Variants in MRTFB observed in about 807,000 individuals in gnomAD.
MRTFB encodes the protein myocardin related transcription factor B, also known as myocardin-related transcription factor B.
In MRTFB, 29 loss-of-function variants were observed where a neutral mutation model predicts 104.2. The observed-to-expected ratio is 0.28, with a 90% CI of 0.21 to 0.38. The LOEUF is 0.38. Among genes scored for constraint, MRTFB ranks in the 10% least tolerant of loss-of-function variants. MRTFB has a pLI of 1.00. For missense variants in MRTFB, 1,270 were observed against 1,341.6 expected (o/e 0.95, Z 0.83); for synonymous variants, 535 against 519.5 (o/e 1.03, Z -0.41).
chr16:14,044,478 C>T, the MRTFB span, among the ~76,000 whole-genome samples: 1 of 152,302 alleles, frequency 6.6e-6, no homozygotes, highest in African/African-American at 2.4e-5. Flanking sequence ...AATTGAGGCT[C>T]AGAGAAGGTA....
chr16:14,238,655 AT>A (rs2042630984), intron 9 of MRTFB, among the ~76,000 whole-genome samples: 1 of 152,200 alleles, frequency 6.6e-6, no homozygotes, highest in Non-Finnish European at 1.5e-5. Context: ...ACATGTGGAT[AT>A]TAAAATCATC....
At chr16:14,165,649 C>T (rs1187698319) in intron 3 of MRTFB, among the ~76,000 whole-genome samples, 1 of 152,124 alleles carries the variant, frequency 6.6e-6, no homozygotes, top group East Asian at 1.9e-4. Context: ...ACTGTCCTCC[C>T]CTTTCCCCAT....
At chr16:14,259,785 A>T (rs759401364) in intron 16 of MRTFB, among the ~76,000 whole-genome samples, 51 of 152,204 alleles carry the variant, frequency 3.4e-4, no homozygotes, top group Non-Finnish European at 6.3e-4. Context: ...AATAAAAAAG[A>T]CTAGTTACTT....
intron 3 of MRTFB, among the ~76,000 whole-genome samples, chr16:14,199,545 A>G (rs2151101297): frequency 6.6e-6 from 1 of 152,252 alleles, no homozygotes; most frequent in East Asian, 1.9e-4. Flanking sequence ...ATCTCAGTAA[A>G]TGGTCTACCC....
the MRTFB span, among the ~76,000 whole-genome samples, chr16:14,030,396 T>C: frequency 2.6e-5 from 4 of 152,176 alleles, no homozygotes; most frequent in Admixed American, 2.6e-4. Context: ...TGCTATTTTC[T>C]TGCTGTGGGT....
intron 3 of MRTFB, chr16:14,200,054 T>C: frequency 2.0e-6 from 1 of 494,776 alleles, no homozygotes; most frequent in Non-Finnish European, 3.6e-6. Context: ...CCTTGTAAGC[T>C]GGACTACAGA....
At chr16:14,004,466 C>T in the MRTFB span, among the ~76,000 whole-genome samples, 13 of 152,100 alleles carry the variant, frequency 8.5e-5, no homozygotes, top group African/African-American at 1.2e-4. Context: ...GTGGAAGTGG[C>T]GTAAAGAAGG....
chr16:14,165,823 T>G lies in MRTFB; in HGVS notation c.154+25063T>G, dbSNP rs373541825. Among the ~76,000 whole-genome samples, 5 of 152,372 alleles carry G rather than the reference T, an allele frequency of 3.3e-5. 1 individual carries two copies. Among genetic ancestry groups the G allele is most frequent in the African/African-American group, 1.2e-4 (5 of 41,586 alleles). ...TCAGTGTTAAACTTGAATTTGTGAT[T>G]ACTGTTACATGTATCTTTTCAGTTC... On this transcript the variant is annotated intron_variant, in intron 3 of 16. Transcript: ENST00000571589.
intron 2 of MRTFB, among the ~76,000 whole-genome samples, chr16:14,134,984 C>T (rs1020156458): frequency 1.3e-5 from 2 of 152,198 alleles, no homozygotes; most frequent in Non-Finnish European, 2.9e-5. Context: ...AAATATTCTT[C>T]CCATCTCTTC....
the MRTFB span, among the ~76,000 whole-genome samples, chr16:14,063,706 C>T: frequency 7.9e-5 from 12 of 152,278 alleles, no homozygotes; most frequent in East Asian, 1.5e-3. Context: ...CCACCTCTGC[C>T]GCACCCAGTG....
the MRTFB span, among the ~76,000 whole-genome samples, chr16:14,061,732 A>T: frequency 2.0e-5 from 3 of 152,016 alleles, no homozygotes; most frequent in African/African-American, 7.3e-5. Flanking sequence ...TCAAAGAGAG[A>T]GTCAAAGGAG....
chr16:14,235,469 T>C lies in MRTFB; in HGVS notation c.831+1186T>C, dbSNP rs1306699296. ...TCCCTGCCGATCCTCAAACGGGTTC[T>C]CTGCCTCTCCCTCTCTCTGAATGTC... On this transcript the variant is annotated intron_variant, in intron 9 of 16. Transcript: ENST00000571589. Among the ~76,000 whole-genome samples, 47 of 152,238 alleles carry C rather than the reference T, an allele frequency of 3.1e-4. 1 individual carries two copies. Among genetic ancestry groups the C allele is most frequent in the Admixed American group, 3.1e-3 (47 of 15,280 alleles).
At chr16:14,159,704 C>A (rs1354733458) in intron 3 of MRTFB, among the ~76,000 whole-genome samples, 1 of 151,586 alleles carries the variant, frequency 6.6e-6, no homozygotes, top group African/African-American at 2.4e-5. Context: ...CCGAGGCGGG[C>A]GGATCACGAG....
intron 6 of MRTFB, chr16:14,214,757 C>T (rs776611585): frequency 6.6e-6 from 1 of 152,138 alleles, no homozygotes; most frequent in African/African-American, 2.4e-5. Context: ...AAAAAACTCT[C>T]AATATTAAGG....
At chr16:14,112,689 G>A (rs2036335857) in intron 2 of MRTFB, among the ~76,000 whole-genome samples, 1 of 152,186 alleles carries the variant, frequency 6.6e-6, no homozygotes, top group African/African-American at 2.4e-5. Flanking sequence ...TCTGCTCCAG[G>A]CACTGGCCTG....
chr16:14,079,801 A>G (rs980409827), intron 2 of MRTFB, among the ~76,000 whole-genome samples: 3 of 152,148 alleles, frequency 2.0e-5, no homozygotes, highest in African/African-American at 7.2e-5. Flanking sequence ...ATAAAACAAC[A>G]TAATGATAGA....
At chr16:14,245,721 C>A in intron 11 of MRTFB, 61 bp downstream of exon 11, 2 of 1,555,322 alleles carry the variant, frequency 1.3e-6, no homozygotes, top group Non-Finnish European at 8.7e-7. Flanking sequence ...AATGATTTGC[C>A]AGCGTTGTCT....
At chr16:14,215,536 T>C (rs1033686412) in intron 6 of MRTFB, among the ~76,000 whole-genome samples, 15 of 152,238 alleles carry the variant, frequency 9.9e-5, no homozygotes, top group African/African-American at 2.9e-4. Context: ...TTTCTTTCCA[T>C]ACATATTGCT....
At position 14,177,903 on chromosome 16, in the gene MRTFB, G is replaced by GGTGTGTGTGTGTGTGTGTGTGTGT. The variant is rs142062484; in HGVS notation, c.155-32330_155-32307dup. Among the ~76,000 whole-genome samples, 1 of 145,960 alleles carries GGTGTGTGTGTGTGTGTGTGTGTGT rather than the reference G, an allele frequency of 6.9e-6. No homozygotes were observed. Among genetic ancestry groups the GGTGTGTGTGTGTGTGTGTGTGTGT allele is most frequent in the East Asian group, 2.0e-4 (1 of 5,018 alleles). The stretch of plus-strand genomic sequence containing the variant: ...CGAGAAGTACATGAACCAGAGGTAG[G>GGTGTGTGTGTGTGTGTGTGTGTGT]GTGTGTGTGTGTGTGTGTGTGTGTG... On this transcript the variant is annotated intron_variant, in intron 3 of 16. Transcript: ENST00000571589. The surrounding 1 kb of genome is among the most constrained non-coding windows in gnomAD (Gnocchi z 4.7).
Sources: gnomAD v4.1 joint callset for allele counts (sites outside exome capture counted in the v4.1 genomes callset) on GRCh38, gnomAD v4.1.1 for gene constraint, Gnocchi (gnomAD v3.1) non-coding constraint, MANE v1.5 for transcripts, NCBI Gene and HGNC (gene_info 2026-07-23, HGNC 2026-07-21) for gene names.